The following RAD18 variants were observed in gnomAD, a reference collection of about 807,000 sequenced individuals.
RAD18 encodes RAD18 E3 ubiquitin protein ligase.
A neutral mutation model predicts 60.4 loss-of-function variants in RAD18; 47 were observed. That is an observed-to-expected ratio of 0.78 (90% CI 0.62 to 0.99). The LOEUF (loss-of-function observed/expected upper bound fraction) is 0.99. RAD18 is among the 50% of genes least tolerant of loss of function. RAD18 has a pLI of 0.00. For missense variants in RAD18, 640 were observed against 593.3 expected (o/e 1.08, Z -0.82); for synonymous variants, 225 against 195.5 (o/e 1.15, Z -1.26).
rs1575528034 is a variant in RAD18 at position 8,879,840 on chromosome 3, C to T, written c.*1517G>A. 1 of 152,240 alleles carries T rather than the reference C, an allele frequency of 6.6e-6. No homozygotes were observed. Among genetic ancestry groups the T allele is most frequent in the East Asian group, 1.9e-4 (1 of 5,198 alleles). The allele number at this position is 152,240 out of a possible 1,614,324, so 9.4% of individuals were successfully genotyped here. ...CCTACTTTCCCAATCTTGGGTCTCA[C>T]CGCTCCCTCACAAACTCCTTTTGCT... On this transcript the variant is annotated 3_prime_UTR_variant, in exon 13 of 13. Coordinates refer to ENST00000264926, the MANE Select transcript of RAD18 (RefSeq NM_020165.4).
intron 7 of RAD18, chr3:8,931,558 A>T (rs1940553823): frequency 6.6e-6 from 1 of 152,270 alleles, no homozygotes; most frequent in Non-Finnish European, 1.5e-5. Flanking sequence ...CATCGGGGCG[A>T]AGTGAAAGTG....
intron 9 of RAD18, among the ~76,000 whole-genome samples, chr3:8,907,971 G>A (rs773321832): frequency 6.6e-6 from 1 of 152,148 alleles, no homozygotes. Flanking sequence ...TGAGTGAAAG[G>A]ATCTACTCCA....
At chr3:8,907,819 C>T (rs904735852) in intron 9 of RAD18, among the ~76,000 whole-genome samples, 1 of 152,164 alleles carries the variant, frequency 6.6e-6, no homozygotes, top group African/African-American at 2.4e-5. Context: ...TTTTCTAAGA[C>T]GCTGGACAAG....
At chr3:8,936,521 T>G (rs1172239436) in intron 6 of RAD18, among the ~76,000 whole-genome samples, 1 of 152,226 alleles carries the variant, frequency 6.6e-6, no homozygotes, top group Non-Finnish European at 1.5e-5. Flanking sequence ...TAGTGAGTTT[T>G]AATTCATTTC....
intron 9 of RAD18, among the ~76,000 whole-genome samples, chr3:8,910,563 G>A (rs529114563): frequency 1.3e-5 from 2 of 151,448 alleles, no homozygotes; most frequent in East Asian, 3.9e-4. Context: ...AGCCAAGATA[G>A]CGCCACTGCA....
chr3:8,900,271 C>G (rs576972084), intron 10 of RAD18, among the ~76,000 whole-genome samples: 1 of 152,244 alleles, frequency 6.6e-6, no homozygotes, highest in Admixed American at 6.5e-5. Flanking sequence ...CCTCTAGGAA[C>G]TCCTCTTGTA....
intron 9 of RAD18, among the ~76,000 whole-genome samples, chr3:8,905,809 T>C (rs1184209754): frequency 6.6e-6 from 1 of 152,242 alleles, no homozygotes; most frequent in East Asian, 1.9e-4. Context: ...TTTCTTCTCT[T>C]CATTCAAATA....
At chr3:8,919,844 T>C (rs1310169336) in intron 7 of RAD18, among the ~76,000 whole-genome samples, 3 of 74,474 alleles carry the variant, frequency 4.0e-5, no homozygotes, top group Middle Eastern at 8.1e-3. Context: ...GTAATGAAAA[T>C]AATGGGGGTG....
At chr3:8,926,704 A>T (rs2125061251) in intron 7 of RAD18, among the ~76,000 whole-genome samples, 1 of 152,308 alleles carries the variant, frequency 6.6e-6, no homozygotes, top group East Asian at 1.9e-4. Flanking sequence ...CTGGTACCAA[A>T]ACAGAGATAT....
chr3:8,899,858 T>G (rs1939870642), intron 10 of RAD18, among the ~76,000 whole-genome samples: 1 of 152,192 alleles, frequency 6.6e-6, no homozygotes, highest in South Asian at 2.1e-4. Flanking sequence ...GCAAGCTACA[T>G]GTGCTAATAA....
intron 11 of RAD18, among the ~76,000 whole-genome samples, chr3:8,895,161 C>A (rs183073764): frequency 1.3e-5 from 2 of 151,574 alleles, no homozygotes; most frequent in Non-Finnish European, 1.5e-5. Flanking sequence ...CAGAATGAAC[C>A]ATTTAGCTTT....
chr3:8,882,326 A>G (rs1295151280), intron 12 of RAD18, among the ~76,000 whole-genome samples: 2 of 152,236 alleles, frequency 1.3e-5, no homozygotes, highest in Non-Finnish European at 2.9e-5. Context: ...AACGCAGGCA[A>G]AGATTCACTG....
chr3:8,947,113 TA>T, intron 4 of RAD18, 106 bp downstream of exon 4: 1 of 834,110 alleles, frequency 1.2e-6, no homozygotes, highest in Non-Finnish European at 1.9e-6. Flanking sequence ...TCTTTGACTA[TA>T]AAATATGCAA....
intron 3 of RAD18, 132 bp downstream of exon 3, chr3:8,948,377 T>A: frequency 1.4e-6 from 1 of 725,486 alleles, no homozygotes. Flanking sequence ...AGGTCCTTTC[T>A]GAAAATGTCT....
At chr3:8,899,191 G>A in intron 10 of RAD18, 144 bp from the exon 11 acceptor site, 1 of 551,842 alleles carries the variant, frequency 1.8e-6, no homozygotes, top group South Asian at 4.0e-5. Context: ...GACAGCCAGA[G>A]AGCAAGAATT....
In RAD18 at chr3:8,948,570, T is replaced by C; in HGVS notation, c.134A>G (p.Tyr45Cys). 6.2e-7 allele frequency: 1 copy of C among 1,608,596 alleles called. No homozygotes were observed. ...AMIIPQCSHNYCSLCIRKFLS... is the reference protein window; with the variant it reads ...AMIIPQCSHNCCSLCIRKFLS... ...AAATTTTCTTATACAGAGAGAGCAG[T>C]CTGCAAAACACAAAGTGCAACATAA... The change falls in exon 3 of 13, where the codon TAC (tyrosine) becomes TGC (cysteine). Residue 45 changes from tyrosine (Y) to cysteine (C), a missense_variant and splice_region_variant. Coordinates refer to ENST00000264926, the MANE Select transcript of RAD18 (RefSeq NM_020165.4).
chr3:8,963,462 T>G lies in RAD18; in HGVS notation c.-77A>C, dbSNP rs2124851884. ...CAACACCACTCGAAATTCCCCGCGC[T>G]ACCGCATTACGTCAGCAGCCCGCGA... is the stretch of plus-strand genomic sequence containing the variant. On this transcript the variant is annotated 5_prime_UTR_variant, in exon 1 of 13. It removes the in-frame stop codon of an upstream open reading frame in the 5' UTR. Coordinates refer to ENST00000264926, the MANE Select transcript of RAD18 (RefSeq NM_020165.4). The G allele has an allele frequency of 5.5e-3, 5,808 of 1,063,778 alleles. No homozygotes were observed. Among genetic ancestry groups the G allele is most frequent in the Non-Finnish European group, 7.2e-3 (5,215 of 728,112 alleles). The allele number at this position is 1,063,778 out of a possible 1,614,324, so 65.9% of individuals were successfully genotyped here.
intron 3 of RAD18, among the ~76,000 whole-genome samples, chr3:8,947,930 C>CTTACCTAG (rs1270107019): frequency 1.3e-5 from 2 of 152,214 alleles, no homozygotes; most frequent in Non-Finnish European, 2.9e-5. Context: ...AACCAAACTC[C>CTTACCTAG]TTACCTAGTC....
Position 8,901,156 on chromosome 3 carries a change from A to C in RAD18, c.1168+1224T>G, listed in dbSNP as rs186905544. ...CACTTCACATCTACAATTTTTAAAA[A>C]ATTTAAAAATCAGAAAATAACAAGC... On this transcript the variant is annotated intron_variant, in intron 10 of 12. Coordinates refer to ENST00000264926, the MANE Select transcript of RAD18 (RefSeq NM_020165.4). Among the ~76,000 whole-genome samples the C allele has an allele frequency of 5.8e-4, 88 of 152,332 alleles. No homozygotes were observed. The South Asian group carries it at 6.6e-3, about 11-fold the overall frequency.
Sources: allele counts gnomAD v4.1 joint callset (sites outside exome capture counted in the v4.1 genomes callset), GRCh38; gene constraint gnomAD v4.1.1; transcripts MANE v1.5; gene names NCBI Gene and HGNC (gene_info 2026-07-23, HGNC 2026-07-21).